KLF7: variants seen among roughly 807,000 people sequenced by gnomAD.
KLF7 encodes Krueppel-like factor 7.
A neutral mutation model predicts 27.3 loss-of-function variants in KLF7; 2 were observed. The ratio of observed to expected loss-of-function variants is 0.07; its 90% confidence interval spans 0.03 to 0.23. The LOEUF (loss-of-function observed/expected upper bound fraction) is 0.23. KLF7 is among the 10% of genes least tolerant of loss of function. The pLI is 1.00. For missense variants in KLF7, 221 were observed against 394.1 expected, an observed-to-expected ratio of 0.56 and a Z score of 3.72; for synonymous variants, 165 against 162.4, an observed-to-expected ratio of 1.02 and a Z score of -0.12.
intron 1 of KLF7, among the ~76,000 whole-genome samples, chr2:207,154,711 G>A (rs1165376227): frequency 6.6e-6 from 1 of 152,184 alleles, no homozygotes; most frequent in Admixed American, 6.5e-5. Flanking sequence ...TTGAGTGGAT[G>A]TTATGTGCCA....
At chr2:207,122,292 C>T (rs1295657670) in intron 2 of KLF7, among the ~76,000 whole-genome samples, 2 of 151,926 alleles carry the variant, frequency 1.3e-5, no homozygotes, top group African/African-American at 2.4e-5. Flanking sequence ...GTTAGGAGAC[C>T]GTCCCATGAA....
In KLF7 at chr2:207,165,876, T is replaced by G; in HGVS notation, c.-308A>C. The stretch of plus-strand genomic sequence containing the variant: ...AATTCCCTTCCAGGGCTCTAATCAC[T>G]CCAGCTCGTGGATCAGGAAGGGGGA... On this transcript the variant is annotated 5_prime_UTR_variant, in exon 1 of 4. Transcript: ENST00000309446. The G allele has an allele frequency of 8.4e-7, 1 of 1,192,884 alleles. No individual in the cohort carries two copies. The highest frequency in any genetic ancestry group is 1.0e-6 in the Non-Finnish European group (1 of 956,034). 73.9% of individuals were successfully genotyped at this position (1,192,884 alleles called of 1,614,324 possible).
At chr2:207,162,992 A>C (rs2078590392) in intron 1 of KLF7, among the ~76,000 whole-genome samples, 1 of 152,208 alleles carries the variant, frequency 6.6e-6, no homozygotes, top group African/African-American at 2.4e-5. Flanking sequence ...AGAGTCTCAA[A>C]ATTTCATTAT....
upstream of KLF7, chr2:207,167,268 T>G (rs1269424): frequency 2.5e-6 from 2 of 795,568 alleles, no homozygotes; most frequent in South Asian, 4.3e-5. Flanking sequence ...CCTGCACAAT[T>G]CACGTTAGGG....
At chr2:207,152,770 GATAA>G in intron 1 of KLF7, among the ~76,000 whole-genome samples, 1 of 152,306 alleles carries the variant, frequency 6.6e-6, no homozygotes, top group East Asian at 1.9e-4. Context: ...GACTGTGATT[GATAA>G]ATAAAGCTTG....
chr2:207,085,117 G>A (rs1415806434), intron 3 of KLF7, among the ~76,000 whole-genome samples: 6 of 124,100 alleles, frequency 4.8e-5, no homozygotes, highest in East Asian at 5.5e-4. Context: ...AGCCGAGATC[G>A]CACCACTGCA....
At chr2:207,106,004 T>C (rs1165107683) in intron 2 of KLF7, among the ~76,000 whole-genome samples, 1 of 152,240 alleles carries the variant, frequency 6.6e-6, no homozygotes, top group Non-Finnish European at 1.5e-5. Context: ...ATTATTTACA[T>C]GTTGAAATGA....
chr2:207,151,349 A>T (rs1315985342), intron 1 of KLF7, among the ~76,000 whole-genome samples: 1 of 152,122 alleles, frequency 6.6e-6, no homozygotes, highest in African/African-American at 2.4e-5. Context: ...CTTGGGCTTA[A>T]ATAATGATCT....
chr2:207,107,883 C>T (rs1053287460), intron 2 of KLF7, among the ~76,000 whole-genome samples: 6 of 152,238 alleles, frequency 3.9e-5, no homozygotes, highest in East Asian at 1.9e-4. Context: ...AATCACCCAA[C>T]TAAAAAGACC....
At chr2:207,103,746 T>C (rs1375369260) in intron 2 of KLF7, among the ~76,000 whole-genome samples, 7 of 152,336 alleles carry the variant, frequency 4.6e-5, no homozygotes, top group African/African-American at 1.7e-4. Context: ...ACTTTCCTCC[T>C]CTGCAAAATA....
intron 1 of KLF7, among the ~76,000 whole-genome samples, chr2:207,140,571 T>C (rs1253356953): frequency 6.6e-6 from 1 of 152,160 alleles, no homozygotes; most frequent in Non-Finnish European, 1.5e-5. Flanking sequence ...CATCTCATTC[T>C]TGTATAAAAA....
chr2:207,099,115 A>G (rs1245913368), intron 2 of KLF7, among the ~76,000 whole-genome samples: 1 of 152,192 alleles, frequency 6.6e-6, no homozygotes, highest in Non-Finnish European at 1.5e-5. Flanking sequence ...AAATGCAGTC[A>G]ATTCCAGAGG....
intron 2 of KLF7, among the ~76,000 whole-genome samples, chr2:207,091,258 T>A (rs1419864267): frequency 1.3e-5 from 2 of 152,196 alleles, no homozygotes; most frequent in African/African-American, 4.8e-5. Context: ...ACAAATAATA[T>A]CAAGGATATA....
rs961358504 is a variant in KLF7 at position 207,113,618 on chromosome 2, G to C, written c.733+10156C>G. Among the ~76,000 whole-genome samples the C allele has an allele frequency of 5.5e-4, 72 of 130,232 alleles. 1 individual carries two copies. Among genetic ancestry groups the C allele is most frequent in the African/African-American group, 1.9e-3 (70 of 37,186 alleles). The allele number at this position is 130,232 out of a possible 152,430, so 85.4% of individuals were successfully genotyped here. ...AGTGGAATGGGGGGTGGGGGGGGGG[G>C]GGAAATGATGCAGTTACCTAGCAAC... On this transcript the variant is annotated intron_variant, in intron 2 of 3. Coordinates refer to ENST00000309446, the MANE Select transcript of KLF7 (RefSeq NM_003709.4).
chr2:207,100,123 C>A (rs1409093029), intron 2 of KLF7, among the ~76,000 whole-genome samples: 1 of 143,942 alleles, frequency 6.9e-6, no homozygotes, highest in Non-Finnish European at 1.5e-5. Flanking sequence ...GGTGACAGAG[C>A]GAGACCATGT....
At position 207,165,781 on chromosome 2, in the gene KLF7, T is replaced by C; in HGVS notation, c.-213A>G. ...GAGAGGAGCGAGTGAGTGGGGTGGA[T>C]GGAGAGAGGCATCCAGCGTGTACAG... is the stretch of plus-strand genomic sequence containing the variant. On this transcript the variant is annotated 5_prime_UTR_variant, in exon 1 of 4. Coordinates refer to ENST00000309446, the MANE Select transcript of KLF7 (RefSeq NM_003709.4). 2 of 1,428,006 alleles carry C rather than the reference T, an allele frequency of 1.4e-6. No homozygotes were observed. The highest frequency in any genetic ancestry group is 1.8e-6 in the Non-Finnish European group (2 of 1,097,302). The allele number at this position is 1,428,006 out of a possible 1,614,324, so 88.5% of individuals were successfully genotyped here.
In KLF7 at chr2:207,078,011, T is replaced by G. The variant is rs757961577; in HGVS notation, c.*3202A>C. On this transcript the variant is annotated 3_prime_UTR_variant, in exon 4 of 4. Coordinates refer to ENST00000309446, the MANE Select transcript of KLF7 (RefSeq NM_003709.4). ...TTAATGCACTGTTTTAAATAACCAG[T>G]CCTCTTGGGAGCAAAATGTCTTCAG... 4 of 152,212 alleles carry G rather than the reference T, an allele frequency of 2.6e-5. No individual in the cohort carries two copies. Among genetic ancestry groups the G allele is most frequent in the Non-Finnish European group, 5.9e-5 (4 of 68,036 alleles). 9.4% of individuals were successfully genotyped at this position (152,212 alleles called of 1,614,324 possible). A position where few individuals can be genotyped will look rare whatever the true frequency, so the allele number is the denominator to read the frequency against.
intron 3 of KLF7, among the ~76,000 whole-genome samples, chr2:207,083,756 T>C (rs1032137428): frequency 3.9e-5 from 6 of 152,238 alleles, no homozygotes; most frequent in South Asian, 4.1e-4. Context: ...TTCTGGATTG[T>C]CTGGTTGGGC....
chr2:207,112,174 C>CTTT (rs1553525812), intron 2 of KLF7, among the ~76,000 whole-genome samples: 1 of 149,186 alleles, frequency 6.7e-6, no homozygotes. Flanking sequence ...TGGGCAAATG[C>CTTT]TTTTGAGTGA....
Sources: allele counts gnomAD v4.1 joint callset (sites outside exome capture counted in the v4.1 genomes callset), GRCh38; gene constraint gnomAD v4.1.1; transcripts MANE v1.5; gene names NCBI Gene and HGNC (gene_info 2026-07-23, HGNC 2026-07-21).